KLHL29: variants seen among roughly 807,000 people sequenced by gnomAD.
KLHL29 encodes kelch-like protein 29.
A neutral mutation model predicts 80.4 loss-of-function variants in KLHL29; 21 were observed. That is an observed-to-expected ratio of 0.26 (90% CI 0.19 to 0.38). The LOEUF (loss-of-function observed/expected upper bound fraction) is 0.38, where lower values mean the gene tolerates loss of function less well. KLHL29 is among the 10% of genes least tolerant of loss of function. The pLI is 1.00. For missense variants in KLHL29, 867 were observed against 1,223.9 expected, an observed-to-expected ratio of 0.71 and a Z score of 4.35; for synonymous variants, 511 against 526.8, an observed-to-expected ratio of 0.97 and a Z score of 0.41.
At position 23,675,982 on chromosome 2, in the gene KLHL29, C is replaced by T. The variant is rs149314346; in HGVS notation, c.941-8417C>T. On this transcript the variant is annotated intron_variant, in intron 5 of 13. Transcript: ENST00000486442. ...AGGGAACTTTTTGTGCAAAACATGGCGCCAGGTGCTCAGGAGGCCAGAGAG... is the reference window on the plus strand; with the variant it reads ...AGGGAACTTTTTGTGCAAAACATGGTGCCAGGTGCTCAGGAGGCCAGAGAG... Among the ~76,000 whole-genome samples the T allele has an allele frequency of 2.4e-3, 361 of 152,164 alleles. 2 individuals carry two copies. The highest frequency in any genetic ancestry group is 8.0e-3 in the African/African-American group (333 of 41,506).
chr2:23,703,798 C>G lies in KLHL29; in HGVS notation c.2379C>G (p.Ile793Met). 1.3e-6 allele frequency: 2 copies of G among 1,537,520 alleles called. No individual in the cohort carries two copies. The highest frequency in any genetic ancestry group is 1.7e-6 in the Non-Finnish European group (2 of 1,146,976). Residue 793 changes from isoleucine (I) to methionine (M), a missense_variant, in exon 13 of 14, where the codon ATC becomes ATG. Physicochemically the swap from Ile to Met is conservative, Grantham distance 10 (BLOSUM62 1). Coordinates refer to ENST00000486442, the MANE Select transcript of KLHL29 (RefSeq NM_052920.2). The part of the protein sequence containing the change: ...LGGAYARATT[I>M]YDPEKGNIKA... Reference sequence around the variant, plus strand: ...GGGCTTATGCCAGAGCTACCACCATCTACGACCCTGAGAAAGGAAACATTA... The same window carrying G: ...GGGCTTATGCCAGAGCTACCACCATGTACGACCCTGAGAAAGGAAACATTA...
chr2:23,636,171 C>T (rs1430698619), intron 3 of KLHL29, among the ~76,000 whole-genome samples: 1 of 152,204 alleles, frequency 6.6e-6, no homozygotes, highest in African/African-American at 2.4e-5. Flanking sequence ...AGTCAGGCCG[C>T]GCTGACGCAC....
chr2:23,691,422 A>G (rs1671592991), intron 6 of KLHL29: 3 of 559,336 alleles, frequency 5.4e-6, no homozygotes, highest in Non-Finnish European at 9.6e-6. Context: ...ATGCTTTTTG[A>G]TTTGCATCTT....
chr2:23,440,042 A>G (rs1360033382), intron 1 of KLHL29, among the ~76,000 whole-genome samples: 1 of 151,480 alleles, frequency 6.6e-6, no homozygotes, highest in Non-Finnish European at 1.5e-5. Flanking sequence ...TTCTTGTTGA[A>G]TTGATCCCTT....
In KLHL29 at chr2:23,436,212, G is replaced by T. The variant is rs535411016; in HGVS notation, c.-153-39348G>T. Among the ~76,000 whole-genome samples the T allele has an allele frequency of 2.0e-5, 3 of 151,856 alleles. No individual in the cohort carries two copies. In the East Asian group the frequency reaches 5.8e-4, roughly 29 times the overall value. On this transcript the variant is annotated intron_variant, in intron 1 of 13. Coordinates refer to ENST00000486442, the MANE Select transcript of KLHL29 (RefSeq NM_052920.2). ...GCGTATTCCCCGCAGTGCCTAGATGGTGCTGAGCATGTTGCTGATACTCAG... is the reference window on the plus strand; with the variant it reads ...GCGTATTCCCCGCAGTGCCTAGATGTTGCTGAGCATGTTGCTGATACTCAG...
intron 3 of KLHL29, among the ~76,000 whole-genome samples, chr2:23,565,916 A>G (rs1245276746): frequency 1.3e-5 from 2 of 152,186 alleles, no homozygotes; most frequent in Non-Finnish European, 2.9e-5. Context: ...CGCAGGGTGA[A>G]CATCACGTGC....
chr2:23,432,012 A>G (rs1158308939), intron 1 of KLHL29, among the ~76,000 whole-genome samples: 2 of 152,094 alleles, frequency 1.3e-5, no homozygotes, highest in African/African-American at 4.8e-5. Flanking sequence ...CACCCGCCCC[A>G]GGGATAACCA....
At chr2:23,618,872 A>C (rs2149142166) in intron 3 of KLHL29, among the ~76,000 whole-genome samples, 1 of 152,250 alleles carries the variant, frequency 6.6e-6, no homozygotes, top group South Asian at 2.1e-4. Flanking sequence ...TGAATCCCAA[A>C]GTATTTGGAA....
chr2:23,593,503 T>G (rs1572423847), intron 3 of KLHL29, among the ~76,000 whole-genome samples: 1 of 151,888 alleles, frequency 6.6e-6, no homozygotes, highest in East Asian at 2.1e-4. Context: ...TGTTTGGTGC[T>G]GGTGCTTCTG....
At chr2:23,474,772 T>C (rs6711196) in intron 1 of KLHL29, among the ~76,000 whole-genome samples, 1 of 152,154 alleles carries the variant, frequency 6.6e-6, no homozygotes, top group African/African-American at 2.4e-5. Flanking sequence ...TTTCCCCTGC[T>C]ACCCGGGACT....
intron 1 of KLHL29, among the ~76,000 whole-genome samples, chr2:23,398,152 A>G (rs541096731): frequency 9.8e-5 from 15 of 152,380 alleles, no homozygotes; most frequent in African/African-American, 3.6e-4. Context: ...ACAGATGTTC[A>G]TACACTAGTG....
chr2:23,480,584 C>T (rs768112019), intron 2 of KLHL29, among the ~76,000 whole-genome samples: 6 of 152,232 alleles, frequency 3.9e-5, no homozygotes, highest in Non-Finnish European at 8.8e-5. Flanking sequence ...AAAACTTTAA[C>T]CACTACTTTC....
chr2:23,566,938 G>C (rs547851282), intron 3 of KLHL29, among the ~76,000 whole-genome samples: 1 of 152,342 alleles, frequency 6.6e-6, no homozygotes, highest in Non-Finnish European at 1.5e-5. Context: ...GTTGGTGCTG[G>C]AGGCTGAAGA....
chr2:23,472,041 G>A (rs1035357353), intron 1 of KLHL29, among the ~76,000 whole-genome samples: 6 of 127,056 alleles, frequency 4.7e-5, no homozygotes, highest in Non-Finnish European at 7.8e-5. Context: ...GTCAAGGATC[G>A]TTTATACACC....
At chr2:23,692,374 C>CG (rs966896806) in intron 7 of KLHL29, among the ~76,000 whole-genome samples, 10 of 152,210 alleles carry the variant, frequency 6.6e-5, no homozygotes, top group South Asian at 2.1e-4. Context: ...CAGGAGCTCC[C>CG]GGGGGGGTCG....
chr2:23,703,415 G>T, intron 12 of KLHL29, 36 bp downstream of exon 12: 1 of 1,424,518 alleles, frequency 7.0e-7, no homozygotes, highest in Non-Finnish European at 9.2e-7. Context: ...CAGGGCCAGG[G>T]TCGCATCCCT....
chr2:23,566,554 G>C (rs1035001563), intron 3 of KLHL29, among the ~76,000 whole-genome samples: 158 of 152,362 alleles, frequency 1.0e-3, no homozygotes, highest in African/African-American at 3.6e-3. Context: ...AGGCCAGAAA[G>C]TGGGCACATT....
intron 1 of KLHL29, among the ~76,000 whole-genome samples, chr2:23,392,541 T>C (rs1240667500): frequency 1.3e-5 from 2 of 152,218 alleles, no homozygotes; most frequent in Non-Finnish European, 2.9e-5. Context: ...GGCTGCTCAC[T>C]ATATCCGAGT....
chr2:23,578,327 G>A (rs574555886), intron 3 of KLHL29, among the ~76,000 whole-genome samples: 1 of 152,340 alleles, frequency 6.6e-6, no homozygotes, highest in South Asian at 2.1e-4. Context: ...AACTGTCCAA[G>A]ATTGCATCCG....
Sources: allele counts gnomAD v4.1 joint callset (sites outside exome capture counted in the v4.1 genomes callset), GRCh38; gene constraint gnomAD v4.1.1; transcripts MANE v1.5; gene names NCBI Gene and HGNC (gene_info 2026-07-23, HGNC 2026-07-21).